The following PALM2AKAP2 variants were observed in gnomAD, a reference collection of about 807,000 sequenced individuals.
PALM2AKAP2 encodes the protein PALM2 and AKAP2 fusion, also known as PALM2-AKAP2 fusion protein.
Under a neutral mutation model 71.5 loss-of-function variants are expected in PALM2AKAP2, and 37 were observed. That is an observed-to-expected ratio of 0.52 (90% CI 0.40 to 0.68). The LOEUF is 0.68. Among genes scored for constraint, PALM2AKAP2 ranks in the 30% least tolerant of loss-of-function variants. The pLI, the probability that PALM2AKAP2 is intolerant of heterozygous loss-of-function variation, is 0.00. For missense variants in PALM2AKAP2, 1,224 were observed against 1,191.8 expected (o/e 1.03, Z -0.40); for synonymous variants, 468 against 478.8 (o/e 0.98, Z 0.29).
intron 3 of PALM2AKAP2, among the ~76,000 whole-genome samples, chr9:109,920,263 C>T (rs1345447015): frequency 6.6e-6 from 1 of 152,120 alleles, no homozygotes; most frequent in African/African-American, 2.4e-5. Context: ...CTACCATAAG[C>T]CTAGAGCAAA....
intron 7 of PALM2AKAP2, among the ~76,000 whole-genome samples, chr9:110,032,757 A>T (rs1359768232): frequency 6.9e-6 from 1 of 145,494 alleles, no homozygotes; most frequent in Non-Finnish European, 1.5e-5. Context: ...AAAATAAAAA[A>T]ACAAAAAAAA....
intron 2 of PALM2AKAP2, among the ~76,000 whole-genome samples, chr9:110,144,264 C>T (rs1394218735): frequency 6.6e-6 from 1 of 152,258 alleles, no homozygotes; most frequent in African/African-American, 2.4e-5. Context: ...TCCTGCAAGG[C>T]AGGCACCAAC....
intron 1 of PALM2AKAP2, among the ~76,000 whole-genome samples, chr9:109,657,685 G>A (rs537810431): frequency 6.6e-5 from 10 of 152,230 alleles, no homozygotes; most frequent in African/African-American, 2.4e-4. Context: ...TAGGGTTTGG[G>A]GGTTTGAATC....
intron 1 of PALM2AKAP2, among the ~76,000 whole-genome samples, chr9:110,121,861 A>T (rs1007166052): frequency 6.6e-6 from 1 of 152,244 alleles, no homozygotes; most frequent in Non-Finnish European, 1.5e-5. Flanking sequence ...GACTCTGCCC[A>T]CTCAAAATGA....
At chr9:109,739,552 G>T (rs941245669) in intron 1 of PALM2AKAP2, among the ~76,000 whole-genome samples, 1 of 152,116 alleles carries the variant, frequency 6.6e-6, no homozygotes, top group Non-Finnish European at 1.5e-5. Context: ...CTAGTTGAGG[G>T]AACAGAAGCT....
At chr9:110,137,917 G>T (rs769186624) in exon 2 of PALM2AKAP2, 1 of 1,614,030 alleles carries the variant, frequency 6.2e-7, no homozygotes, top group Admixed American at 1.7e-5. Flanking sequence ...GGGACTCTCC[G>T]TTGGTTGATG....
intron 1 of PALM2AKAP2, among the ~76,000 whole-genome samples, chr9:109,693,023 G>C (rs1049588928): frequency 8.6e-5 from 13 of 150,914 alleles, no homozygotes; most frequent in African/African-American, 1.2e-4. Flanking sequence ...CTTTCTTTCT[G>C]TTTTCTGGAA....
chr9:109,924,307 G>C (rs1830902075), intron 4 of PALM2AKAP2, among the ~76,000 whole-genome samples: 1 of 152,172 alleles, frequency 6.6e-6, no homozygotes, highest in South Asian at 2.1e-4. Flanking sequence ...GTAAATACAT[G>C]ACATTTTACT....
chr9:109,968,746 C>T (rs902939843), intron 6 of PALM2AKAP2, among the ~76,000 whole-genome samples: 18 of 152,058 alleles, frequency 1.2e-4, no homozygotes, highest in African/African-American at 4.3e-4. Flanking sequence ...CGATTTTCAG[C>T]GCGATTTTCA....
chr9:109,953,436 T>A (rs1267352794), intron 6 of PALM2AKAP2, among the ~76,000 whole-genome samples: 1 of 152,174 alleles, frequency 6.6e-6, no homozygotes, highest in African/African-American at 2.4e-5. Context: ...CTTTGGCTAA[T>A]GTGGCAGGGC....
At chr9:109,886,465 G>A (rs1043806775) in intron 3 of PALM2AKAP2, among the ~76,000 whole-genome samples, 1 of 152,182 alleles carries the variant, frequency 6.6e-6, no homozygotes, top group African/African-American at 2.4e-5. Context: ...TGATTAGTGA[G>A]AAATATGGGG....
intron 1 of PALM2AKAP2, among the ~76,000 whole-genome samples, chr9:109,730,110 G>A (rs1484203008): frequency 6.6e-6 from 1 of 152,274 alleles, no homozygotes; most frequent in Admixed American, 6.5e-5. Flanking sequence ...AATGAGTAGG[G>A]GCTCTCTTGA....
chr9:109,729,157 A>G (rs1828516992), intron 1 of PALM2AKAP2, among the ~76,000 whole-genome samples: 1 of 152,164 alleles, frequency 6.6e-6, no homozygotes, highest in African/African-American at 2.4e-5. Context: ...GATGACAGGC[A>G]GGCAGTTGAT....
At chr9:110,169,285 C>G (rs887709166) in exon 4 of PALM2AKAP2, 1 of 152,510 alleles carries the variant, frequency 6.6e-6, no homozygotes, top group Non-Finnish European at 1.5e-5. Flanking sequence ...TATGTTTCTT[C>G]ATAGGAAAAC....
intron 3 of PALM2AKAP2, among the ~76,000 whole-genome samples, chr9:109,920,949 T>C (rs1347801787): frequency 1.3e-5 from 2 of 152,220 alleles, no homozygotes; most frequent in Non-Finnish European, 2.9e-5. Flanking sequence ...GTGTTGTTCC[T>C]ATTTCACACT....
rs2132096507 is a variant in PALM2AKAP2, at chr9:109,955,611, G to A, written c.496+23583G>A. Among the ~76,000 whole-genome samples the A allele has an allele frequency of 1.3e-5, 2 of 151,812 alleles. 1 individual carries two copies. Among genetic ancestry groups the A allele is most frequent in the South Asian group, 4.2e-4 (2 of 4,778 alleles). On this transcript the variant is annotated intron_variant, in intron 6 of 9. Transcript: ENST00000302798. Reference sequence around the variant, plus strand: ...TTTGATTGTGTTCCTGAGGTCATGTGGTTGTAGAATACTACTATTCTGTAT... The same window carrying A: ...TTTGATTGTGTTCCTGAGGTCATGTAGTTGTAGAATACTACTATTCTGTAT...
chr9:109,687,050 G>A lies in PALM2AKAP2; in HGVS notation c.5+46184G>A, dbSNP rs149726533. On this transcript the variant is annotated intron_variant, in intron 1 of 6. Transcript: ENST00000374531. ...GCATAGTATTCCATGGTGTATATGTGCCACATTTTCTTAATCCAGTATATC... is the reference window on the plus strand; with the variant it reads ...GCATAGTATTCCATGGTGTATATGTACCACATTTTCTTAATCCAGTATATC... Among the ~76,000 whole-genome samples, 897 of 152,204 alleles carry A rather than the reference G, an allele frequency of 5.9e-3. 8 individuals are homozygous for A. The highest frequency in any genetic ancestry group is 0.01 in the Middle Eastern group (3 of 294).
chr9:109,789,513 C>G (rs567742791), intron 1 of PALM2AKAP2, among the ~76,000 whole-genome samples: 8 of 152,342 alleles, frequency 5.3e-5, no homozygotes, highest in African/African-American at 1.9e-4. Flanking sequence ...AGGCTTCCCT[C>G]ACTTGTCTTT....
intron 1 of PALM2AKAP2, among the ~76,000 whole-genome samples, chr9:109,665,609 T>C (rs1587859382): frequency 1.3e-5 from 2 of 152,310 alleles, no homozygotes; most frequent in East Asian, 3.9e-4. Flanking sequence ...TGTTTACCCC[T>C]ACTGGGAGGT....
Sources: gnomAD v4.1 joint callset for allele counts (sites outside exome capture counted in the v4.1 genomes callset) on GRCh38, gnomAD v4.1.1 for gene constraint, MANE v1.5 for transcripts, NCBI Gene and HGNC (gene_info 2026-07-23, HGNC 2026-07-21) for gene names.